Variants in MRC1 observed in about 807,000 individuals in gnomAD.
The protein encoded by MRC1 is macrophage mannose receptor 1.
A neutral mutation model predicts 102.9 loss-of-function variants in MRC1; 62 were observed. That is an observed-to-expected ratio of 0.60 (90% CI 0.49 to 0.74). MRC1 has a LOEUF of 0.74. Among genes scored for constraint, MRC1 ranks in the 30% least tolerant of loss-of-function variants. MRC1 has a pLI of 0.00. For missense variants in MRC1, 1,237 were observed against 862.8 expected (o/e 1.43, Z -5.43); for synonymous variants, 457 against 298.4 (o/e 1.53, Z -5.48).
At position 17,877,572 on chromosome 10, in the gene MRC1, A is replaced by G. The variant is rs914242990; in HGVS notation, c.2551-328A>G. 1.8e-3 allele frequency among the ~76,000 whole-genome samples: 270 copies of G among 152,072 alleles called. 2 individuals are homozygous for G. The highest frequency in any genetic ancestry group is 6.1e-3 in the African/African-American group (254 of 41,538). On this transcript the variant is annotated intron_variant, in intron 17 of 29. Transcript: ENST00000569591. ...CACAATTTAATAACTTGAATTTGTAAAGCAAATACCTTAAATCATTCTCCA... is the reference window on the plus strand; with the variant it reads ...CACAATTTAATAACTTGAATTTGTAGAGCAAATACCTTAAATCATTCTCCA...
chr10:17,907,490 G>T, intron 27 of MRC1, 44 bp from the exon 28 acceptor site: 1 of 780,198 alleles, frequency 1.3e-6, no homozygotes, highest in South Asian at 1.3e-5. Context: ...TTTAAGATAG[G>T]TTATATTTAA....
intron 1 of MRC1, among the ~76,000 whole-genome samples, chr10:17,818,379 T>G (rs1838344189): frequency 6.6e-6 from 1 of 152,236 alleles, no homozygotes; most frequent in Non-Finnish European, 1.5e-5. Flanking sequence ...CCTCGTCTCA[T>G]GAAATTTACA....
chr10:17,855,910 T>G (rs961861125), intron 8 of MRC1, among the ~76,000 whole-genome samples: 1 of 152,160 alleles, frequency 6.6e-6, no homozygotes, highest in Non-Finnish European at 1.5e-5. Context: ...GGCTCATGCC[T>G]GTAATCCCAG....
At chr10:17,897,972 T>A (rs904270311) in intron 23 of MRC1, 62 bp from the exon 24 acceptor site, 137 of 780,390 alleles carry the variant, frequency 1.8e-4, no homozygotes, top group Non-Finnish European at 2.9e-4. Context: ...ACACTTATCA[T>A]TACTGATAAG....
rs1455311322 is a variant in MRC1, at chr10:17,845,326, A to G, written c.954A>G (p.Ser318=). The G allele has an allele frequency of 5.1e-6, 4 of 780,862 alleles. No individual in the cohort carries two copies. Among genetic ancestry groups the G allele is most frequent in the Non-Finnish European group, 9.6e-6 (4 of 417,962 alleles). The allele number at this position is 780,862 out of a possible 1,614,324, so 48.4% of individuals were successfully genotyped here. A position where few individuals can be genotyped will look rare whatever the true frequency, so the allele number is the denominator to read the frequency against. ...PSAEPGKSCV[S]LNPGKNAKWE... ...CTGAACCTGGAAAAAGCTGTGTGTC[A>G]CTAAATCCTGGAAAAAATGCTAAAT... is the stretch of plus-strand genomic sequence containing the variant. The change falls in exon 6 of 30, where the codon TCA becomes TCG. Residue 318 remains serine, a synonymous_variant. Coordinates refer to ENST00000569591, the MANE Select transcript of MRC1 (RefSeq NM_002438.4).
intron 17 of MRC1, among the ~76,000 whole-genome samples, chr10:17,875,811 T>C (rs1251474474): frequency 6.6e-6 from 1 of 152,234 alleles, no homozygotes; most frequent in Non-Finnish European, 1.5e-5. Flanking sequence ...AAATTGTGTT[T>C]CTACTTTTAG....
Position 17,870,306 on chromosome 10 carries a change from G to A in MRC1, c.2044G>A (p.Ala682Thr), listed in dbSNP as rs1345787417. 2.6e-6 allele frequency: 2 copies of A among 780,422 alleles called. No individual in the cohort carries two copies. The highest frequency in any genetic ancestry group is 1.7e-5 in the African/African-American group (1 of 59,120). The allele number at this position is 780,422 out of a possible 1,614,324, so 48.3% of individuals were successfully genotyped here. ...GTTTGAATCTCGAGATTTTTGTCGA[G>A]CTCTGGGTGGAGACTTAGCTAGCAT... ...TWFESRDFCR[A>T]LGGDLASINN... The change falls in exon 13 of 30, where the codon GCT becomes ACT. Residue 682 changes from alanine (A) to threonine (T), a missense_variant. By Grantham distance (58) the Ala-to-Thr change is moderately conservative. Transcript: ENST00000569591.
At chr10:17,838,153 C>T (rs1011946301) in intron 4 of MRC1, among the ~76,000 whole-genome samples, 1 of 152,146 alleles carries the variant, frequency 6.6e-6, no homozygotes, top group African/African-American at 2.4e-5. Context: ...TCTTCCATTT[C>T]ACCCTGCCTG....
chr10:17,853,783 A>G (rs1395232075), intron 8 of MRC1, among the ~76,000 whole-genome samples: 2 of 152,030 alleles, frequency 1.3e-5, no homozygotes, highest in Non-Finnish European at 2.9e-5. Flanking sequence ...TGCTTTTATG[A>G]TTGAAATATG....
At chr10:17,903,883 G>A (rs1325864496) in intron 26 of MRC1, among the ~76,000 whole-genome samples, 2 of 151,880 alleles carry the variant, frequency 1.3e-5, no homozygotes, top group Non-Finnish European at 2.9e-5. Flanking sequence ...TTGAACCCAG[G>A]AGGTGGAGGT....
In MRC1 at chr10:17,844,811, A is replaced by C. The variant is rs931385388; in HGVS notation, c.917-478A>C. On this transcript the variant is annotated intron_variant, in intron 5 of 29. Coordinates refer to ENST00000569591, the MANE Select transcript of MRC1 (RefSeq NM_002438.4). ...AGTACTCGGTATTTAGCTCCCACTT[A>C]GAAGTGAGAACATGGCTATTTGGCT... 6.6e-5 allele frequency among the ~76,000 whole-genome samples: 10 copies of C among 152,260 alleles called. No individual in the cohort carries two copies. The East Asian group carries it at 9.7e-4, about 15-fold the overall frequency.
At chr10:17,844,593 A>G (rs1838798405) in intron 5 of MRC1, among the ~76,000 whole-genome samples, 1 of 152,216 alleles carries the variant, frequency 6.6e-6, no homozygotes, top group Admixed American at 6.5e-5. Flanking sequence ...TTGTAGATTC[A>G]GAGATACATG....
At chr10:17,894,352 GT>G (rs1328202806) in intron 23 of MRC1, 40 bp downstream of exon 23, 48 of 795,748 alleles carry the variant, frequency 6.0e-5, no homozygotes, top group Middle Eastern at 2.3e-4. Context: ...AAGAGCTGGG[GT>G]TTTTTTTTCC....
chr10:17,827,432 C>G, intron 2 of MRC1, 110 bp from the exon 3 acceptor site: 1 of 459,488 alleles, frequency 2.2e-6, no homozygotes, highest in Non-Finnish European at 4.2e-6. Context: ...GTGGGTGCAT[C>G]AAGTGTAATC....
chr10:17,881,134 T>C lies in MRC1; in HGVS notation c.2933T>C (p.Ile978Thr), dbSNP rs1399561688. The C allele has an allele frequency of 1.3e-6, 1 of 780,794 alleles. No individual in the cohort carries two copies. The highest frequency in any genetic ancestry group is 2.4e-6 in the Non-Finnish European group (1 of 417,930). 48.4% of individuals were successfully genotyped at this position (780,794 alleles called of 1,614,324 possible). A position where few individuals can be genotyped will look rare whatever the true frequency, so the allele number is the denominator to read the frequency against. Reference protein sequence around the residue: ...KNWQEARKACIGFGGNLVSIQ... With the variant: ...KNWQEARKACTGFGGNLVSIQ... ...TGGCAAGAGGCACGAAAAGCTTGTA[T>C]AGGCTTTGGAGGGAATCTGGTCTCC... The change falls in exon 21 of 30, where the codon ATA (isoleucine) becomes ACA (threonine). Residue 978 changes from isoleucine (I) to threonine (T), a missense_variant. Physicochemically the swap from Ile to Thr is moderately conservative, Grantham distance 89 (BLOSUM62 -1). Coordinates refer to ENST00000569591, the MANE Select transcript of MRC1 (RefSeq NM_002438.4).
At chr10:17,892,253 C>G (rs1052704017) in intron 22 of MRC1, among the ~76,000 whole-genome samples, 9 of 152,130 alleles carry the variant, frequency 5.9e-5, no homozygotes, top group Admixed American at 2.0e-4. Context: ...AAGGAAAACT[C>G]AAAAAACTCT....
intron 22 of MRC1, among the ~76,000 whole-genome samples, chr10:17,888,679 C>T (rs1443410052): frequency 1.3e-5 from 2 of 152,096 alleles, no homozygotes; most frequent in South Asian, 2.1e-4. Context: ...TTTTATGGCT[C>T]AGAATATGGT....
At chr10:17,895,843 G>T (rs1037966556) in intron 23 of MRC1, among the ~76,000 whole-genome samples, 1,728 of 152,332 alleles carry the variant, frequency 0.011, 38 homozygotes, top group African/African-American at 0.039. Flanking sequence ...GTGCACAGCA[G>T]CAGCAGACAT....
At chr10:17,880,379 G>C in intron 19 of MRC1, 146 bp from the exon 20 acceptor site, 2 of 674,928 alleles carry the variant, frequency 3.0e-6, no homozygotes, top group South Asian at 1.8e-5. Flanking sequence ...ATATTGCATG[G>C]ATACCTCTAG....
Sources: allele counts gnomAD v4.1 joint callset (sites outside exome capture counted in the v4.1 genomes callset), GRCh38; gene constraint gnomAD v4.1.1; transcripts MANE v1.5; gene names NCBI Gene and HGNC (gene_info 2026-07-23, HGNC 2026-07-21).